KIAA1549L: variants seen among roughly 807,000 people sequenced by gnomAD.
KIAA1549L encodes KIAA1549 like.
Under a neutral mutation model 160.7 loss-of-function variants are expected in KIAA1549L, and 88 were observed. The observed-to-expected ratio is 0.55, with a 90% confidence interval of 0.46 to 0.65. The LOEUF (loss-of-function observed/expected upper bound fraction) is 0.65, where lower values mean the gene tolerates loss of function less well. KIAA1549L is among the 30% of genes least tolerant of loss of function. KIAA1549L has a pLI of 0.00. For synonymous variants in KIAA1549L, 950 were observed against 976.7 expected, an observed-to-expected ratio of 0.97 and a Z score of 0.51; for missense variants, 2,258 against 2,437.5, an observed-to-expected ratio of 0.93 and a Z score of 1.55.
At chr11:33,634,201 C>T (rs2070446434) in intron 16 of KIAA1549L, among the ~76,000 whole-genome samples, 1 of 152,106 alleles carries the variant, frequency 6.6e-6, no homozygotes, top group South Asian at 2.1e-4. Flanking sequence ...CACCACCATG[C>T]CCAGCTAATT....
At chr11:33,522,081 A>G (rs539869251) in intron 1 of KIAA1549L, among the ~76,000 whole-genome samples, 1 of 152,372 alleles carries the variant, frequency 6.6e-6, no homozygotes, top group East Asian at 1.9e-4. Flanking sequence ...GACTATATAT[A>G]TAAACACTAA....
intron 1 of KIAA1549L, among the ~76,000 whole-genome samples, chr11:33,511,423 CA>C (rs772375923): frequency 2.6e-5 from 4 of 152,182 alleles, no homozygotes; most frequent in Non-Finnish European, 5.9e-5. Context: ...TAACATATGT[CA>C]AATATCTGTA....
chr11:33,468,534 T>C (rs1327037900), intron 1 of KIAA1549L, among the ~76,000 whole-genome samples: 1 of 152,252 alleles, frequency 6.6e-6, no homozygotes, highest in African/African-American at 2.4e-5. Flanking sequence ...TCTATCACTG[T>C]CGAATCATCT....
intron 1 of KIAA1549L, among the ~76,000 whole-genome samples, chr11:33,439,569 ATTTT>A (rs34456047): frequency 8.9e-5 from 11 of 123,980 alleles, no homozygotes; most frequent in East Asian, 2.3e-4. Flanking sequence ...TGCCCGGCTA[ATTTT>A]TTTTTTTTTT....
intron 1 of KIAA1549L, among the ~76,000 whole-genome samples, chr11:33,440,922 T>A (rs1392038988): frequency 1.3e-5 from 2 of 152,198 alleles, no homozygotes; most frequent in Non-Finnish European, 1.5e-5. Context: ...TTTTCTTTTT[T>A]TTTTATTATT....
chr11:33,485,044 C>A (rs77231527), intron 1 of KIAA1549L, among the ~76,000 whole-genome samples: 4,061 of 152,200 alleles, frequency 0.027, 122 homozygotes, highest in South Asian at 0.088. Flanking sequence ...GCACACTGGC[C>A]AGGGGTAGAC....
intron 18 of KIAA1549L, among the ~76,000 whole-genome samples, chr11:33,658,148 G>A (rs1852131872): frequency 6.6e-6 from 1 of 152,212 alleles, no homozygotes. Context: ...AGTGGAAATA[G>A]GATGTGTTAA....
At chr11:33,378,067 G>A (rs970651912) in intron 1 of KIAA1549L, among the ~76,000 whole-genome samples, 1 of 152,102 alleles carries the variant, frequency 6.6e-6, no homozygotes, top group Non-Finnish European at 1.5e-5. Flanking sequence ...TTTAGCCCCC[G>A]ATTTTTATGC....
In KIAA1549L at chr11:33,671,964, G is replaced by A. The variant is rs962490276; in HGVS notation, c.*3810G>A. The stretch of plus-strand genomic sequence containing the variant: ...AGGGACTGACTGGGGTCTAAGTGTT[G>A]GAAATTAAATTCTGCCATTCAGTCC... On this transcript the variant is annotated 3_prime_UTR_variant, in exon 21 of 21. Coordinates refer to ENST00000658780, the MANE Select transcript of KIAA1549L (RefSeq NM_012194.3). 3.3e-5 allele frequency: 5 copies of A among 151,926 alleles called. No individual in the cohort carries two copies. The highest frequency in any genetic ancestry group is 1.2e-4 in the African/African-American group (5 of 41,362). The allele number at this position is 151,926 out of a possible 1,614,324, so 9.4% of individuals were successfully genotyped here. A position where few individuals can be genotyped will look rare whatever the true frequency, so the allele number is the denominator to read the frequency against.
intron 1 of KIAA1549L, among the ~76,000 whole-genome samples, chr11:33,412,122 T>TAA (rs1260512207): frequency 6.6e-6 from 1 of 152,252 alleles, no homozygotes; most frequent in Non-Finnish European, 1.5e-5. Context: ...GGAAGCATCT[T>TAA]AAATGCAAAG....
At chr11:33,477,138 T>C (rs1035099566) in intron 1 of KIAA1549L, among the ~76,000 whole-genome samples, 1 of 152,142 alleles carries the variant, frequency 6.6e-6, no homozygotes, top group African/African-American at 2.4e-5. Flanking sequence ...TGTTATTCAG[T>C]AGTAGCAGAG....
intron 16 of KIAA1549L, among the ~76,000 whole-genome samples, chr11:33,635,032 A>G (rs1851401978): frequency 6.6e-6 from 1 of 152,242 alleles, no homozygotes; most frequent in South Asian, 2.1e-4. Context: ...AGGGGAACCA[A>G]TCTCACTTTA....
chr11:33,456,071 C>T (rs539132934), intron 1 of KIAA1549L, among the ~76,000 whole-genome samples: 12 of 152,288 alleles, frequency 7.9e-5, no homozygotes, highest in African/African-American at 2.9e-4. Flanking sequence ...CATTCAATTA[C>T]AGCCAAGGGG....
intron 1 of KIAA1549L, among the ~76,000 whole-genome samples, chr11:33,431,931 C>T (rs918382029): frequency 6.6e-6 from 1 of 152,262 alleles, no homozygotes; most frequent in Non-Finnish European, 1.5e-5. Context: ...GAGCTCAGCG[C>T]TGGTGGGCTG....
At chr11:33,456,675 G>T (rs567481529) in intron 1 of KIAA1549L, among the ~76,000 whole-genome samples, 184 of 152,288 alleles carry the variant, frequency 1.2e-3, no homozygotes, top group Non-Finnish European at 2.1e-3. Flanking sequence ...GCCTTCCAAA[G>T]TGCTGGGACT....
At chr11:33,471,529 A>G (rs112434752) in intron 1 of KIAA1549L, among the ~76,000 whole-genome samples, 4 of 152,070 alleles carry the variant, frequency 2.6e-5, no homozygotes, top group African/African-American at 7.2e-5. Context: ...CCTATCTCCA[A>G]TTGTTGATGC....
intron 1 of KIAA1549L, among the ~76,000 whole-genome samples, chr11:33,493,210 C>T (rs1446005985): frequency 1.3e-5 from 2 of 151,938 alleles, no homozygotes; most frequent in Non-Finnish European, 2.9e-5. Context: ...CCCAACATAA[C>T]ACTGTTGGGA....
chr11:33,428,430 C>T (rs1851164039), intron 1 of KIAA1549L, among the ~76,000 whole-genome samples: 1 of 152,126 alleles, frequency 6.6e-6, no homozygotes, highest in Non-Finnish European at 1.5e-5. Context: ...TTAGGTATTT[C>T]TCCCAATGCT....
chr11:33,422,191 C>G (rs186532060), intron 1 of KIAA1549L, among the ~76,000 whole-genome samples: 1 of 151,806 alleles, frequency 6.6e-6, no homozygotes, highest in African/African-American at 2.4e-5. Context: ...GCCCAGGATC[C>G]ACACTTTCGA....
Sources: allele counts gnomAD v4.1 joint callset (sites outside exome capture counted in the v4.1 genomes callset), GRCh38; gene constraint gnomAD v4.1.1; transcripts MANE v1.5; gene names NCBI Gene and HGNC (gene_info 2026-07-23, HGNC 2026-07-21).